The following ANK2 variants were observed in gnomAD, a reference collection of about 807,000 sequenced individuals.
ANK2 encodes ankyrin-2.
Under a neutral mutation model 360.5 loss-of-function variants are expected in ANK2, and 83 were observed. The observed-to-expected ratio is 0.23, with a 90% CI of 0.19 to 0.28. The LOEUF is 0.28. Among genes scored for constraint, ANK2 ranks in the 10% least tolerant of loss-of-function variants. The pLI is 1.00. For missense variants in ANK2, 4,201 were observed against 4,795.7 expected, an observed-to-expected ratio of 0.88 and a Z score of 3.66; for synonymous variants, 1,740 against 1,759.5, an observed-to-expected ratio of 0.99 and a Z score of 0.28.
At chr4:113,073,177 G>C (rs2078441365) in intron 1 of ANK2, among the ~76,000 whole-genome samples, 1 of 151,694 alleles carries the variant, frequency 6.6e-6, no homozygotes, top group Non-Finnish European at 1.5e-5. Flanking sequence ...GGCCAGGCTG[G>C]TCTCCTGACC....
intron 1 of ANK2, among the ~76,000 whole-genome samples, chr4:113,097,874 A>ACG (rs2091828759): frequency 8.5e-6 from 1 of 117,948 alleles, no homozygotes; most frequent in African/African-American, 3.7e-5. Context: ...GTGTATATAT[A>ACG]TGCACACACA....
the ANK2 span, among the ~76,000 whole-genome samples, chr4:112,736,687 G>C: frequency 6.6e-6 from 1 of 152,128 alleles, no homozygotes; most frequent in Non-Finnish European, 1.5e-5. Flanking sequence ...TATTTCAGTA[G>C]GTGCTGCATG....
At chr4:113,367,196 T>C (rs1296825339) in intron 41 of ANK2, among the ~76,000 whole-genome samples, 2 of 152,208 alleles carry the variant, frequency 1.3e-5, no homozygotes, top group African/African-American at 4.8e-5. Flanking sequence ...CTCATCTTAC[T>C]CTTCAGATTC....
chr4:112,788,763 A>G, the ANK2 span: 13 of 1,508,874 alleles, frequency 8.6e-6, no homozygotes, highest in South Asian at 1.1e-5. Flanking sequence ...TCCAATGCCA[A>G]AATTCTTAGG....
At chr4:113,310,076 A>G (rs558367344) in intron 23 of ANK2, among the ~76,000 whole-genome samples, 1 of 152,218 alleles carries the variant, frequency 6.6e-6, no homozygotes, top group East Asian at 1.9e-4. Context: ...CTTCACCCTT[A>G]TAAACCTTCC....
intron 17 of ANK2, among the ~76,000 whole-genome samples, chr4:113,281,101 G>A (rs2062142689): frequency 6.6e-6 from 1 of 152,180 alleles, no homozygotes; most frequent in Admixed American, 6.5e-5. Context: ...TTCTTGCTTG[G>A]AGAAATGGGG....
chr4:112,812,297 C>A, the ANK2 span, among the ~76,000 whole-genome samples: 1 of 152,080 alleles, frequency 6.6e-6, no homozygotes, highest in Non-Finnish European at 1.5e-5. Flanking sequence ...CTTTATGATG[C>A]TGTGATAGAT....
At chr4:113,333,602 C>T (rs916505958) in intron 29 of ANK2, among the ~76,000 whole-genome samples, 4 of 152,118 alleles carry the variant, frequency 2.6e-5, no homozygotes, top group African/African-American at 9.7e-5. Flanking sequence ...CAATGCCTAA[C>T]TTGAAACATT....
At chr4:113,129,027 G>C (rs2095844840) in intron 1 of ANK2, among the ~76,000 whole-genome samples, 1 of 151,984 alleles carries the variant, frequency 6.6e-6, no homozygotes. Context: ...GAAAATGATG[G>C]GGCATATCAA....
intron 1 of ANK2, among the ~76,000 whole-genome samples, chr4:113,060,679 CTTTTTTTTT>C (rs58946073): frequency 9.0e-5 from 8 of 89,338 alleles, no homozygotes; most frequent in Admixed American, 1.3e-4. Flanking sequence ...ATCTAAAAAG[CTTTTTTTTT>C]TTTTTTTTTT....
intron 4 of ANK2, among the ~76,000 whole-genome samples, chr4:113,203,638 C>T (rs1029956968): frequency 6.6e-6 from 1 of 152,094 alleles, no homozygotes; most frequent in African/African-American, 2.4e-5. Context: ...TAACAGTAGA[C>T]ATTAATATTA....
chr4:112,801,680 G>A, the ANK2 span, among the ~76,000 whole-genome samples: 1 of 152,166 alleles, frequency 6.6e-6, no homozygotes. Flanking sequence ...GAGAGTTCTA[G>A]CATGGGTAAG....
chr4:113,317,580 TC>T, intron 24 of ANK2, 126 bp from the exon 25 acceptor site: 1 of 729,438 alleles, frequency 1.4e-6, no homozygotes, highest in South Asian at 1.5e-5. Flanking sequence ...GAGACTTGTG[TC>T]CCCCTGGAAG....
intron 1 of ANK2, among the ~76,000 whole-genome samples, chr4:113,093,182 G>A (rs947593338): frequency 1.3e-5 from 2 of 152,116 alleles, no homozygotes; most frequent in African/African-American, 4.8e-5. Flanking sequence ...ATTTGTGATA[G>A]GGTGTTCAGG....
At chr4:112,899,818 A>G (rs886614962) in intron 1 of ANK2, among the ~76,000 whole-genome samples, 1 of 152,102 alleles carries the variant, frequency 6.6e-6, no homozygotes, top group African/African-American at 2.4e-5. Context: ...CATCCCCTAT[A>G]TGATTATAAG....
the ANK2 span, chr4:112,798,690 C>A: frequency 2.0e-5 from 3 of 152,174 alleles, no homozygotes; most frequent in African/African-American, 7.2e-5. Context: ...TCAGTAACAT[C>A]CTCATGCATA....
chr4:113,002,061 A>G (rs2050917364), intron 2 of ANK2, among the ~76,000 whole-genome samples: 1 of 151,896 alleles, frequency 6.6e-6, no homozygotes. Flanking sequence ...TTTAGGGTAC[A>G]TGTGCACAAT....
At chr4:113,214,063 G>C (rs1288057450) in intron 4 of ANK2, 1 of 724,596 alleles carries the variant, frequency 1.4e-6, no homozygotes, top group East Asian at 2.9e-5. Context: ...GGCTTTGGTG[G>C]GGGACGTGGG....
In ANK2 at chr4:113,353,576, A is replaced by T. The variant is rs2095549900; in HGVS notation, c.4958A>T (p.Glu1653Val). The change falls in exon 38 of 46, where the codon GAG becomes GTG. Residue 1653 changes from glutamate to valine, a missense_variant. Glu to Val is a moderately radical substitution (Grantham distance 121). Around this residue, in one of 4 missense-constraint regions of ANK2, gnomAD observed 1,268 missense variants for 1,650.8 expected, o/e 0.77. Coordinates refer to ENST00000357077, the MANE Select transcript of ANK2 (RefSeq NM_001148.6). ...DLNTCVPLPK[E>V]QLQTVQDKAG... ...AATACCTGTGTGCCTCTTCCCAAAG[A>T]GCAGCTGCAGACAGTTCAAGATAAG... The T allele has an allele frequency of 5.6e-6, 9 of 1,614,022 alleles. No individual in the cohort carries two copies. Among genetic ancestry groups the T allele is most frequent in the Non-Finnish European group, 6.8e-6 (8 of 1,179,960 alleles).
Sources: gnomAD v4.1 joint callset for allele counts (sites outside exome capture counted in the v4.1 genomes callset) on GRCh38, gnomAD v4.1.1 for gene constraint, gnomAD v4.1.1 regional missense constraint, MANE v1.5 for transcripts, NCBI Gene and HGNC (gene_info 2026-07-23, HGNC 2026-07-21) for gene names.